Variants in SERINC5 observed in about 807,000 individuals in gnomAD.
SERINC5 encodes the protein chromosome 5 open reading frame 12.
SERINC5 carries 41 observed loss-of-function variants against 63.1 expected under a neutral mutation model. That is an observed-to-expected ratio of 0.65 (90% CI 0.51 to 0.84). The LOEUF (loss-of-function observed/expected upper bound fraction) is 0.84. SERINC5 is among the 40% of genes least tolerant of loss of function. The pLI, the probability that SERINC5 is intolerant of heterozygous loss-of-function variation, is 0.00. For synonymous variants in SERINC5, 222 were observed against 215.2 expected, an observed-to-expected ratio of 1.03 and a Z score of -0.28; for missense variants, 523 against 573.0, an observed-to-expected ratio of 0.91 and a Z score of 0.89.
intron 5 of SERINC5, among the ~76,000 whole-genome samples, chr5:80,173,280 A>AG (rs1234698594): frequency 9.3e-5 from 14 of 150,192 alleles, no homozygotes; most frequent in African/African-American, 2.5e-4. Flanking sequence ...GAAGGAAGGA[A>AG]GAAAATGAAA....
At chr5:80,151,606 G>C (rs72776234) in intron 8 of SERINC5, among the ~76,000 whole-genome samples, 1 of 152,214 alleles carries the variant, frequency 6.6e-6, no homozygotes, top group Non-Finnish European at 1.5e-5. Context: ...CTTGAGGCCA[G>C]GAGTTTGAGA....
At chr5:80,172,642 C>A (rs1747740782) in intron 5 of SERINC5, among the ~76,000 whole-genome samples, 1 of 149,078 alleles carries the variant, frequency 6.7e-6, no homozygotes. Flanking sequence ...ACTCCAATGA[C>A]CTTGGAATTA....
downstream of SERINC5, among the ~76,000 whole-genome samples, chr5:80,137,136 T>G: frequency 1.5e-5 from 1 of 66,140 alleles, no homozygotes; most frequent in African/African-American, 6.1e-5. Flanking sequence ...TGAGACCCTG[T>G]CTCAAAAAAA....
chr5:80,181,040 C>G (rs1281151643), intron 2 of SERINC5, among the ~76,000 whole-genome samples: 1 of 152,138 alleles, frequency 6.6e-6, no homozygotes, highest in African/African-American at 2.4e-5. Context: ...GGCCTTCTGC[C>G]TTCTCCAGGG....
rs1745629550 is a variant in SERINC5 at position 80,143,454 on chromosome 5, T to G, written c.*209A>C. ...ATATTTCAACCATGATCAGTTTGGT[T>G]GAAAATTTCAATTCCTTTGGGACAA... On this transcript the variant is annotated 3_prime_UTR_variant, in exon 12 of 12. Coordinates refer to ENST00000507668, the MANE Select transcript of SERINC5 (RefSeq NM_001174072.3). The G allele has an allele frequency of 7.6e-7, 1 of 1,323,960 alleles. No homozygotes were observed. Among genetic ancestry groups the G allele is most frequent in the Admixed American group, 3.5e-5 (1 of 28,594 alleles). 82.0% of individuals were successfully genotyped at this position (1,323,960 alleles called of 1,614,324 possible).
intron 11 of SERINC5, among the ~76,000 whole-genome samples, chr5:80,131,719 A>G (rs1456755593): frequency 1.3e-5 from 2 of 152,156 alleles, no homozygotes; most frequent in Non-Finnish European, 2.9e-5. Flanking sequence ...GGTGTGGTAA[A>G]TTGTGTTTCC....
At chr5:80,152,259 G>T (rs6888413) in intron 8 of SERINC5, among the ~76,000 whole-genome samples, 30,270 of 152,058 alleles carry the variant, frequency 0.2, 3,109 homozygotes, top group South Asian at 0.25. Context: ...TCAGCACTTT[G>T]GGAGGCTGTG....
intron 4 of SERINC5, among the ~76,000 whole-genome samples, chr5:80,175,863 C>CAA (rs1491197344): frequency 0.012 from 495 of 40,162 alleles, 6 homozygotes; most frequent in African/African-American, 0.052. Flanking sequence ...GACTTGGTCT[C>CAA]AAAAAAAAAA....
downstream of SERINC5, among the ~76,000 whole-genome samples, chr5:80,137,481 A>T (rs1446986082): frequency 1.3e-5 from 2 of 151,952 alleles, no homozygotes; most frequent in African/African-American, 2.4e-5. Flanking sequence ...TCTACTAAAA[A>T]TACAAAAATT....
At chr5:80,189,365 C>A (rs1749039339) in intron 2 of SERINC5, among the ~76,000 whole-genome samples, 1 of 152,156 alleles carries the variant, frequency 6.6e-6, no homozygotes, top group South Asian at 2.1e-4. Flanking sequence ...GTAAGCAATG[C>A]CCCTACAACC....
intron 2 of SERINC5, among the ~76,000 whole-genome samples, chr5:80,196,473 T>C (rs948673578): frequency 3.3e-5 from 5 of 152,212 alleles, no homozygotes; most frequent in Non-Finnish European, 7.3e-5. Context: ...GAAAATAATA[T>C]GGCGGTTCCT....
In SERINC5 at chr5:80,234,106, G is replaced by A. The variant is rs138091000; in HGVS notation, c.27+21790C>T. 4.1e-4 allele frequency among the ~76,000 whole-genome samples: 62 copies of A among 152,150 alleles called. 1 individual carries two copies. The highest frequency in any genetic ancestry group is 3.4e-3 in the Middle Eastern group (1 of 294). ...ATTACAGGCGTGAGCCACCATGCCCGACCCCAACTTTTACTTTTAAGAGAC... is the reference window on the plus strand; with the variant it reads ...ATTACAGGCGTGAGCCACCATGCCCAACCCCAACTTTTACTTTTAAGAGAC... On this transcript the variant is annotated intron_variant, in intron 1 of 11. Transcript: ENST00000507668.
At chr5:80,133,902 C>T (rs982421158), downstream of SERINC5, among the ~76,000 whole-genome samples, 14 of 152,306 alleles carry the variant, frequency 9.2e-5, no homozygotes, top group African/African-American at 3.4e-4. Context: ...GGAGTTGAAG[C>T]TGTCCTCTGG....
intron 2 of SERINC5, among the ~76,000 whole-genome samples, chr5:80,178,267 A>T (rs1289933867): frequency 6.6e-6 from 1 of 152,086 alleles, no homozygotes; most frequent in East Asian, 1.9e-4. Flanking sequence ...ATAAAGTAAC[A>T]CTCAGCCTTT....
At chr5:80,211,778 C>A (rs949579372) in intron 1 of SERINC5, among the ~76,000 whole-genome samples, 1 of 152,254 alleles carries the variant, frequency 6.6e-6, no homozygotes, top group African/African-American at 2.4e-5. Flanking sequence ...TAACAGCTCA[C>A]ACACGGCAGT....
At chr5:80,146,648 G>A (rs1157657128) in intron 10 of SERINC5, among the ~76,000 whole-genome samples, 2 of 152,060 alleles carry the variant, frequency 1.3e-5, no homozygotes, top group South Asian at 2.1e-4. Flanking sequence ...TAGAGACAGG[G>A]TTTTGCCATG....
chr5:80,249,092 A>C (rs1752283118), intron 1 of SERINC5, among the ~76,000 whole-genome samples: 1 of 152,136 alleles, frequency 6.6e-6, no homozygotes, highest in Admixed American at 6.5e-5. Flanking sequence ...AGGCGGGTGG[A>C]TCACGAGGTC....
chr5:80,210,410 T>C (rs1033185576), intron 1 of SERINC5, among the ~76,000 whole-genome samples: 2 of 152,162 alleles, frequency 1.3e-5, no homozygotes, highest in Non-Finnish European at 2.9e-5. Flanking sequence ...AAAATAAATA[T>C]GTCTCCCTCT....
At chr5:80,199,033 T>C (rs1311802469) in intron 2 of SERINC5, among the ~76,000 whole-genome samples, 7 of 152,190 alleles carry the variant, frequency 4.6e-5, no homozygotes, top group African/African-American at 1.7e-4. Flanking sequence ...TCTCCCTCTG[T>C]TTCCATGATA....
Sources: allele counts gnomAD v4.1 joint callset (sites outside exome capture counted in the v4.1 genomes callset), GRCh38; gene constraint gnomAD v4.1.1; transcripts MANE v1.5; gene names NCBI Gene and HGNC (gene_info 2026-07-23, HGNC 2026-07-21).